TKT: variants seen among roughly 807,000 people sequenced by gnomAD.
TKT encodes the protein epididymis luminal protein 107.
Under a neutral mutation model 63.9 loss-of-function variants are expected in TKT, and 47 were observed. That is an observed-to-expected ratio of 0.74 (90% CI 0.58 to 0.94). The LOEUF is 0.94. Ranked by LOEUF, TKT falls within the 40% of genes least tolerant of loss-of-function variation. The probability of loss-of-function intolerance (pLI) is 0.00; values close to 1 mark genes in which losing one functional copy is unlikely to be tolerated. For synonymous variants in TKT, 338 were observed against 334.1 expected, an observed-to-expected ratio of 1.01 and a Z score of -0.13; for missense variants, 721 against 846.2, an observed-to-expected ratio of 0.85 and a Z score of 1.84.
chr3:53,239,077 C>A (rs1424038186), intron 4 of TKT, among the ~76,000 whole-genome samples: 2 of 152,182 alleles, frequency 1.3e-5, no homozygotes, highest in Non-Finnish European at 2.9e-5. Context: ...ATAAGTCTCA[C>A]AAGATCTGAT....
At chr3:53,252,639 G>A (rs180815524) in intron 1 of TKT, among the ~76,000 whole-genome samples, 18 of 152,202 alleles carry the variant, frequency 1.2e-4, no homozygotes, top group African/African-American at 3.4e-4. Flanking sequence ...GGGTAACGGC[G>A]GTGAGGAAAT....
chr3:53,246,374 C>T (rs1310576521), intron 1 of TKT, among the ~76,000 whole-genome samples: 2 of 152,170 alleles, frequency 1.3e-5, no homozygotes, highest in South Asian at 2.1e-4. Flanking sequence ...TATCAATAGA[C>T]GAGGTTAACT....
intron 2 of TKT, 96 bp from the exon 3 acceptor site, chr3:53,241,341 C>T (rs782042576): frequency 1.6e-4 from 160 of 1,015,370 alleles, no homozygotes; most frequent in Middle Eastern, 2.1e-4. Context: ...CCGGCCGAGC[C>T]GGCCAACTGC....
chr3:53,255,418 G>A (rs1461288093), intron 1 of TKT, among the ~76,000 whole-genome samples: 9 of 152,234 alleles, frequency 5.9e-5, no homozygotes, highest in Non-Finnish European at 1.0e-4. Context: ...CACTCCCGGC[G>A]GCGCCCACAC....
intron 4 of TKT, among the ~76,000 whole-genome samples, chr3:53,239,463 C>T (rs9311494): frequency 0.048 from 7,327 of 152,164 alleles, 562 homozygotes; most frequent in African/African-American, 0.16. Flanking sequence ...TGTGTACCAC[C>T]ATGCCTGGCT....
At position 53,229,502 on chromosome 3, in the gene TKT, C is replaced by T. The variant is rs1000110061; in HGVS notation, c.1108-66G>A. ...AGAGGGTGGTCGGGGAGCCTAGGAC[C>T]CCTTTTGTGGAGAAAGCCACAATTT... On this transcript the variant is annotated intron_variant, in intron 8 of 13. Coordinates refer to ENST00000462138, the MANE Select transcript of TKT (RefSeq NM_001064.4). The T allele has an allele frequency of 7.9e-6, 12 of 1,525,352 alleles. No individual in the cohort carries two copies. The Admixed American group carries it at 2.2e-4, about 28-fold the overall frequency. The allele number at this position is 1,525,352 out of a possible 1,614,324, so 94.5% of individuals were successfully genotyped here. A position where few individuals can be genotyped will look rare whatever the true frequency, so the allele number is the denominator to read the frequency against.
chr3:53,243,462 C>A, intron 1 of TKT: 1 of 395,622 alleles, frequency 2.5e-6, no homozygotes, highest in South Asian at 1.8e-5. Context: ...CCAATCAGCG[C>A]TCCCACCAGG....
intron 1 of TKT, among the ~76,000 whole-genome samples, chr3:53,242,947 G>T (rs946491277): frequency 6.6e-6 from 1 of 152,132 alleles, no homozygotes; most frequent in Admixed American, 6.5e-5. Context: ...GCAGTTTGAG[G>T]GCTGCTGTAG....
At chr3:53,229,245 G>A in intron 9 of TKT, 35 bp downstream of exon 9, 1 of 1,613,368 alleles carries the variant, frequency 6.2e-7, no homozygotes, top group Non-Finnish European at 8.5e-7. Context: ...AAAAGTCAAG[G>A]GAGCTCCAGG....
intron 1 of TKT, among the ~76,000 whole-genome samples, chr3:53,249,272 A>C (rs535205524): frequency 6.6e-6 from 1 of 151,896 alleles, no homozygotes; most frequent in African/African-American, 2.4e-5. Context: ...ACCTGGCCTA[A>C]AAATTTGTTT....
chr3:53,251,164 A>G (rs1553681598), intron 1 of TKT, among the ~76,000 whole-genome samples: 1 of 152,196 alleles, frequency 6.6e-6, no homozygotes, highest in East Asian at 1.9e-4. Context: ...GCCAGGCATT[A>G]ACCTCCCCAA....
chr3:53,244,690 G>A (rs561987352), intron 1 of TKT, among the ~76,000 whole-genome samples: 2 of 152,176 alleles, frequency 1.3e-5, no homozygotes, highest in Admixed American at 1.3e-4. Context: ...GCCTCCTCAG[G>A]GCCAGAGTTT....
intron 1 of TKT, among the ~76,000 whole-genome samples, chr3:53,245,351 A>G (rs1330043081): frequency 1.3e-5 from 2 of 150,676 alleles, no homozygotes; most frequent in East Asian, 3.9e-4. Context: ...CCTCCAGGAC[A>G]ATATATATTC....
chr3:53,253,316 T>C (rs79793755), intron 1 of TKT, among the ~76,000 whole-genome samples: 1 of 148,454 alleles, frequency 6.7e-6, no homozygotes, highest in Non-Finnish European at 1.5e-5. Context: ...CTCTCTCTCT[T>C]TCTTTCTTTT....
chr3:53,252,580 A>G (rs1462912405), intron 1 of TKT, among the ~76,000 whole-genome samples: 3 of 152,206 alleles, frequency 2.0e-5, no homozygotes, highest in African/African-American at 7.2e-5. Context: ...CCAAGACATT[A>G]CAATGTAAAC....
chr3:53,241,126 A>G lies in TKT; in HGVS notation c.339+6T>C. Reference sequence around the variant, plus strand: ...AGGCATGGGAGGCTCTGGCAGGAGCACTTACCGGGACCGGGTGCCCGTCCA... The same window carrying G: ...AGGCATGGGAGGCTCTGGCAGGAGCGCTTACCGGGACCGGGTGCCCGTCCA... On this transcript the variant is annotated splice_donor_region_variant and intron_variant, in intron 3 of 13. Transcript: ENST00000462138. 6.5e-7 allele frequency: 1 copy of G among 1,549,724 alleles called. No homozygotes were observed. The highest frequency in any genetic ancestry group is 8.6e-7 in the Non-Finnish European group (1 of 1,156,898).
At chr3:53,232,611 C>G (rs1704818347) in intron 6 of TKT, 1 of 398,374 alleles carries the variant, frequency 2.5e-6, no homozygotes, top group Non-Finnish European at 4.4e-6. Flanking sequence ...ACCTGGGTGC[C>G]AGGGAGTGAC....
Position 53,227,934 on chromosome 3 carries a change from G to A in TKT, c.1573+122C>T, listed in dbSNP as rs1419218708. 7.4e-6 allele frequency: 6 copies of A among 807,990 alleles called. No individual in the cohort carries two copies. In the East Asian group the frequency reaches 1.1e-4, roughly 14 times the overall value. 50.1% of individuals were successfully genotyped at this position (807,990 alleles called of 1,614,324 possible). On this transcript the variant is annotated intron_variant, in intron 12 of 13. Coordinates refer to ENST00000462138, the MANE Select transcript of TKT (RefSeq NM_001064.4). The stretch of plus-strand genomic sequence containing the variant: ...AATTGCTATCATTATTTAATGAAAT[G>A]AAATGCTTTCTCTCTAGCTGTGAGC...
At chr3:53,237,400 C>G (rs1281555551) in intron 4 of TKT, among the ~76,000 whole-genome samples, 18 of 147,644 alleles carry the variant, frequency 1.2e-4, no homozygotes, top group Admixed American at 2.0e-4. Context: ...AAAAACAAAA[C>G]AAAACAAAAA....
Sources: allele counts gnomAD v4.1 joint callset (sites outside exome capture counted in the v4.1 genomes callset), GRCh38; gene constraint gnomAD v4.1.1; transcripts MANE v1.5; gene names NCBI Gene and HGNC (gene_info 2026-07-23, HGNC 2026-07-21).